The following CSMD3 variants were observed in gnomAD, a reference collection of about 807,000 sequenced individuals.
CSMD3 encodes CUB and Sushi multiple domains 3.
In CSMD3, 177 loss-of-function variants were observed where a neutral mutation model predicts 435.2. The observed-to-expected ratio is 0.41, with a 90% CI of 0.36 to 0.46. The LOEUF is 0.46. Ranked by LOEUF, CSMD3 falls within the 20% of genes least tolerant of loss-of-function variation. The probability of loss-of-function intolerance (pLI) is 0.34; values close to 1 mark genes in which losing one functional copy is unlikely to be tolerated. For missense variants in CSMD3, 4,265 were observed against 4,504.6 expected (o/e 0.95, Z 1.52); for synonymous variants, 1,656 against 1,520.5 (o/e 1.09, Z -2.07).
chr8:112,469,849 T>G (rs992991882), intron 32 of CSMD3, among the ~76,000 whole-genome samples: 1 of 151,918 alleles, frequency 6.6e-6, no homozygotes, highest in Non-Finnish European at 1.5e-5. Flanking sequence ...ATGAAACATA[T>G]AGAAGAAGGA....
At chr8:112,535,491 A>T (rs1169463766) in intron 27 of CSMD3, among the ~76,000 whole-genome samples, 3 of 151,756 alleles carry the variant, frequency 2.0e-5, no homozygotes, top group Non-Finnish European at 2.9e-5. Context: ...TTCAAGGAGA[A>T]CTACAAACCA....
chr8:112,822,022 T>C (rs1308233833), intron 12 of CSMD3, among the ~76,000 whole-genome samples: 1 of 152,196 alleles, frequency 6.6e-6, no homozygotes, highest in African/African-American at 2.4e-5. Context: ...ACTGTTTTCG[T>C]ACCAGTACCA....
intron 4 of CSMD3, among the ~76,000 whole-genome samples, chr8:113,153,103 A>AG (rs879834114): frequency 8.6e-5 from 10 of 116,626 alleles, no homozygotes; most frequent in South Asian, 2.8e-4. Context: ...AAAGAAAGAA[A>AG]AGAAAGAAAG....
chr8:112,406,167 C>T (rs1421307737), intron 35 of CSMD3, among the ~76,000 whole-genome samples: 1 of 151,860 alleles, frequency 6.6e-6, no homozygotes, highest in Non-Finnish European at 1.5e-5. Flanking sequence ...ACTGTGTACC[C>T]ACAACAATTA....
intron 16 of CSMD3, among the ~76,000 whole-genome samples, chr8:112,676,815 A>G (rs2075779411): frequency 6.6e-6 from 1 of 152,112 alleles, no homozygotes; most frequent in Non-Finnish European, 1.5e-5. Context: ...ACTTAGAAAG[A>G]TAACTTTCTT....
At chr8:112,265,335 C>A in intron 60 of CSMD3, 76 bp downstream of exon 60, 2 of 1,122,320 alleles carry the variant, frequency 1.8e-6, no homozygotes, top group Non-Finnish European at 2.5e-6. Flanking sequence ...TTTAAGTATA[C>A]TTTAAATTTG....
intron 31 of CSMD3, among the ~76,000 whole-genome samples, chr8:112,473,276 A>T (rs1475742299): frequency 1.3e-5 from 2 of 152,204 alleles, no homozygotes; most frequent in African/African-American, 2.4e-5. Flanking sequence ...TGTTAAAAAA[A>T]AGATGAGGGT....
rs1586958656 is a variant in CSMD3, at chr8:112,682,433, T to C, written c.2677+9A>G. On this transcript the variant is annotated intron_variant, in intron 16 of 70. Coordinates refer to ENST00000297405, the MANE Select transcript of CSMD3 (RefSeq NM_198123.2). ...TGAGGTTCTATTTCTCACTCACTAC[T>C]ACACTTACCTCCACATTTTGGAATC... 2.5e-6 allele frequency: 4 copies of C among 1,606,050 alleles called. No homozygotes were observed. The highest frequency in any genetic ancestry group is 2.7e-5 in the African/African-American group (2 of 74,772).
At position 112,537,661 on chromosome 8, in the gene CSMD3, C is replaced by T. The variant is rs575276621; in HGVS notation, c.4564+13010G>A. The stretch of plus-strand genomic sequence containing the variant: ...ATGAATTTCTAGACACATAAATCTA[C>T]CAAAATTGATCCATGAAGAAATAGA... On this transcript the variant is annotated intron_variant, in intron 27 of 70. Coordinates refer to ENST00000297405, the MANE Select transcript of CSMD3 (RefSeq NM_198123.2). Among the ~76,000 whole-genome samples, 10 of 151,536 alleles carry T rather than the reference C, an allele frequency of 6.6e-5. No individual in the cohort carries two copies. The South Asian group carries it at 1.0e-3, about 16-fold the overall frequency.
intron 32 of CSMD3, among the ~76,000 whole-genome samples, chr8:112,440,254 G>T (rs537331289): frequency 2.6e-5 from 4 of 152,300 alleles, no homozygotes; most frequent in Non-Finnish European, 5.9e-5. Context: ...CAATAGGGCA[G>T]TTATTAAACT....
chr8:113,018,761 G>T (rs1410354815), intron 6 of CSMD3: 2 of 326,972 alleles, frequency 6.1e-6, no homozygotes, highest in Non-Finnish European at 1.1e-5. Context: ...GTGATTTGCG[G>T]TACAACTTCA....
At chr8:112,811,302 G>T (rs965477843) in intron 12 of CSMD3, among the ~76,000 whole-genome samples, 1 of 151,894 alleles carries the variant, frequency 6.6e-6, no homozygotes, top group East Asian at 1.9e-4. Context: ...AAAGGTAAGA[G>T]AACTCCCCCA....
intron 67 of CSMD3, among the ~76,000 whole-genome samples, chr8:112,236,977 C>T (rs549975750): frequency 6.6e-6 from 1 of 152,102 alleles, no homozygotes; most frequent in South Asian, 2.1e-4. Flanking sequence ...ATTTAAATAA[C>T]TTATTTTAAA....
chr8:112,631,289 A>G (rs2074507310), intron 22 of CSMD3, among the ~76,000 whole-genome samples: 2 of 152,062 alleles, frequency 1.3e-5, no homozygotes, highest in Admixed American at 1.3e-4. Context: ...TGTATTTTCT[A>G]TTGTTGCTTT....
rs557083544 is a variant in CSMD3 at position 112,556,961 on chromosome 8, C to G, written c.4043-7G>C. The G allele has an allele frequency of 6.2e-7, 1 of 1,601,270 alleles. No individual in the cohort carries two copies. Among genetic ancestry groups the G allele is most frequent in the African/African-American group, 1.3e-5 (1 of 74,600 alleles). On this transcript the variant is annotated splice_region_variant and splice_polypyrimidine_tract_variant and intron_variant, in intron 24 of 70. Coordinates refer to ENST00000297405, the MANE Select transcript of CSMD3 (RefSeq NM_198123.2). ...CAGTGTGAGAGTTCAAAACCTGGGA[C>G]AAAAATATAAATTGATTAAAGGCAA...
chr8:112,713,381 T>A (rs2076651975), intron 13 of CSMD3, among the ~76,000 whole-genome samples: 1 of 150,020 alleles, frequency 6.7e-6, no homozygotes, highest in South Asian at 2.1e-4. Context: ...AATAAATAAA[T>A]AAATAAATAG....
chr8:113,378,389 A>C (rs995870480), intron 1 of CSMD3, among the ~76,000 whole-genome samples: 1 of 152,242 alleles, frequency 6.6e-6, no homozygotes, highest in African/African-American at 2.4e-5. Flanking sequence ...TTCCTTGTTT[A>C]GAGATATAGT....
intron 5 of CSMD3, among the ~76,000 whole-genome samples, chr8:113,049,129 C>T (rs368829819): frequency 2.0e-5 from 3 of 152,092 alleles, no homozygotes; most frequent in African/African-American, 7.2e-5. Context: ...ATCCCAGCTA[C>T]TTAGGAGGGT....
chr8:112,604,554 T>C (rs1247723537), intron 22 of CSMD3, among the ~76,000 whole-genome samples: 2 of 152,054 alleles, frequency 1.3e-5, no homozygotes, highest in Admixed American at 1.3e-4. Context: ...ATGCAATAAA[T>C]AGGTAGTGTT....
Sources: allele counts gnomAD v4.1 joint callset (sites outside exome capture counted in the v4.1 genomes callset), GRCh38; gene constraint gnomAD v4.1.1; transcripts MANE v1.5; gene names NCBI Gene and HGNC (gene_info 2026-07-23, HGNC 2026-07-21).